VPS13B: variants seen among roughly 807,000 people sequenced by gnomAD.
VPS13B encodes intermembrane lipid transfer protein VPS13B.
A neutral mutation model predicts 426.4 loss-of-function variants in VPS13B; 285 were observed. The observed-to-expected ratio is 0.67, with a 90% confidence interval of 0.61 to 0.74. VPS13B has a LOEUF of 0.74. VPS13B is among the 30% of genes least tolerant of loss of function. The probability of loss-of-function intolerance (pLI) is 0.00; values close to 1 mark genes in which losing one functional copy is unlikely to be tolerated. For synonymous variants in VPS13B, 1,676 were observed against 1,676.4 expected (o/e 1.00, Z 0.01); for missense variants, 4,537 against 4,782.6 (o/e 0.95, Z 1.51).
chr8:99,487,589 C>T (rs1265615997), intron 25 of VPS13B, among the ~76,000 whole-genome samples: 1 of 152,140 alleles, frequency 6.6e-6, no homozygotes. Context: ...CTATCCCCAT[C>T]GAACAACTCT....
At chr8:99,667,873 C>T (rs1419003076) in intron 35 of VPS13B, among the ~76,000 whole-genome samples, 4 of 152,054 alleles carry the variant, frequency 2.6e-5, no homozygotes. Context: ...TTTTTTCCAG[C>T]TCTTAGGGAA....
At chr8:99,325,247 G>T (rs534271187) in intron 19 of VPS13B, among the ~76,000 whole-genome samples, 1 of 152,096 alleles carries the variant, frequency 6.6e-6, no homozygotes, top group Admixed American at 6.6e-5. Flanking sequence ...CACTGTGCTC[G>T]GCCAAGATTC....
intron 17 of VPS13B, among the ~76,000 whole-genome samples, chr8:99,227,473 C>G (rs781762852): frequency 1.4e-4 from 21 of 152,070 alleles, no homozygotes; most frequent in Non-Finnish European, 2.9e-4. Flanking sequence ...GGCTTAATTA[C>G]TTGAAAAACT....
chr8:99,146,150 T>A (rs1007779797), intron 13 of VPS13B, among the ~76,000 whole-genome samples: 4 of 152,216 alleles, frequency 2.6e-5, no homozygotes, highest in African/African-American at 9.6e-5. Flanking sequence ...TCAGATTAAT[T>A]GGGTTAATCT....
chr8:99,454,329 A>AT (rs943785772), intron 23 of VPS13B, among the ~76,000 whole-genome samples: 5 of 151,970 alleles, frequency 3.3e-5, no homozygotes, highest in African/African-American at 1.2e-4. Context: ...ACCTGGCTAA[A>AT]TTTTTTTGTT....
intron 21 of VPS13B, among the ~76,000 whole-genome samples, chr8:99,399,316 A>G (rs1372023017): frequency 2.0e-5 from 3 of 152,198 alleles, no homozygotes; most frequent in Non-Finnish European, 2.9e-5. Context: ...TTAAAATGAT[A>G]TACAAAGTTA....
intron 35 of VPS13B, among the ~76,000 whole-genome samples, chr8:99,694,812 A>G (rs1367908408): frequency 6.6e-6 from 1 of 152,224 alleles, no homozygotes; most frequent in Non-Finnish European, 1.5e-5. Context: ...ACAAAGGGCT[A>G]ATATCCAGAA....
intron 17 of VPS13B, among the ~76,000 whole-genome samples, chr8:99,253,185 C>A (rs1563628405): frequency 1.3e-5 from 2 of 152,068 alleles, no homozygotes; most frequent in Non-Finnish European, 2.9e-5. Context: ...CTTTTTATGG[C>A]TGAATAATAT....
chr8:99,618,212 G>A (rs1828188168), intron 33 of VPS13B, among the ~76,000 whole-genome samples: 1 of 148,828 alleles, frequency 6.7e-6, no homozygotes, highest in Admixed American at 6.8e-5. Context: ...AAAAAGCCTT[G>A]ATACCAGTAA....
chr8:99,387,693 C>T (rs1814205947), intron 20 of VPS13B, among the ~76,000 whole-genome samples: 3 of 152,076 alleles, frequency 2.0e-5, no homozygotes, highest in African/African-American at 7.2e-5. Flanking sequence ...CCATATGTTT[C>T]CATACCCAGG....
intron 29 of VPS13B, among the ~76,000 whole-genome samples, chr8:99,517,029 G>A (rs189620912): frequency 1.6e-4 from 25 of 152,160 alleles, no homozygotes; most frequent in African/African-American, 5.5e-4. Context: ...TTATTGAAAC[G>A]TTTGTCTTCA....
chr8:99,366,505 G>C (rs1011681705), intron 19 of VPS13B, among the ~76,000 whole-genome samples: 1 of 150,254 alleles, frequency 6.7e-6, no homozygotes, highest in Non-Finnish European at 1.5e-5. Flanking sequence ...GTAGGCAATA[G>C]ATCATTGGGT....
intron 2 of VPS13B, among the ~76,000 whole-genome samples, chr8:99,024,710 AG>A (rs1416068974): frequency 2.0e-5 from 3 of 152,182 alleles, no homozygotes; most frequent in Non-Finnish European, 2.9e-5. Context: ...ATAGCTTTGT[AG>A]TTTATTTTGA....
At chr8:99,557,303 C>G (rs1000139907) in intron 31 of VPS13B, among the ~76,000 whole-genome samples, 1 of 151,924 alleles carries the variant, frequency 6.6e-6, no homozygotes, top group African/African-American at 2.4e-5. Context: ...CCTCACCACC[C>G]CCACCCCTGA....
chr8:99,254,103 G>A (rs1360727940), intron 17 of VPS13B, among the ~76,000 whole-genome samples: 1 of 152,150 alleles, frequency 6.6e-6, no homozygotes, highest in Admixed American at 6.6e-5. Flanking sequence ...GAGACAGAAA[G>A]TCTGTGTACT....
intron 35 of VPS13B, among the ~76,000 whole-genome samples, chr8:99,679,457 T>C (rs1455067794): frequency 2.0e-5 from 3 of 152,136 alleles, no homozygotes; most frequent in African/African-American, 7.2e-5. Context: ...GTGTTGTGAT[T>C]TGGGGAGGAT....
At chr8:99,262,743 C>T (rs1329794401) in intron 17 of VPS13B, among the ~76,000 whole-genome samples, 3 of 151,870 alleles carry the variant, frequency 2.0e-5, no homozygotes, top group Admixed American at 2.0e-4. Context: ...AATATGGCTC[C>T]TGGCTGTTTG....
chr8:99,346,446 G>A (rs1469734433), intron 19 of VPS13B: 1 of 152,188 alleles, frequency 6.6e-6, no homozygotes, highest in Non-Finnish European at 1.5e-5. Flanking sequence ...TCTTACAGTA[G>A]TGGGCCTTCT....
intron 30 of VPS13B, among the ~76,000 whole-genome samples, chr8:99,529,496 A>C (rs1357325030): frequency 6.6e-6 from 1 of 152,218 alleles, no homozygotes; most frequent in African/African-American, 2.4e-5. Context: ...AAGTTCAATT[A>C]AAACTTAAAA....
Sources: gnomAD v4.1 joint callset for allele counts (sites outside exome capture counted in the v4.1 genomes callset) on GRCh38, gnomAD v4.1.1 for gene constraint, MANE v1.5 for transcripts, NCBI Gene and HGNC (gene_info 2026-07-23, HGNC 2026-07-21) for gene names.